Variants in KMO observed in about 807,000 individuals in gnomAD.
KMO encodes kynurenine 3-monooxygenase, also known as kynurenine 3-hydroxylase.
A neutral mutation model predicts 57.8 loss-of-function variants in KMO; 24 were observed. That is an observed-to-expected ratio of 0.42 (90% CI 0.30 to 0.58). KMO has a LOEUF of 0.58. Among genes scored for constraint, KMO ranks in the 20% least tolerant of loss-of-function variants. The pLI, the probability that KMO is intolerant of heterozygous loss-of-function variation, is 0.22. For synonymous variants in KMO, 210 were observed against 193.6 expected (o/e 1.08, Z -0.70); for missense variants, 483 against 588.2 (o/e 0.82, Z 1.85).
intron 10 of KMO, among the ~76,000 whole-genome samples, chr1:241,582,971 G>T (rs1215113856): frequency 6.6e-6 from 1 of 152,126 alleles, no homozygotes; most frequent in Non-Finnish European, 1.5e-5. Flanking sequence ...TAAGTTTATG[G>T]TCACTGCAGC....
rs183126584 is a variant in KMO at position 241,570,514 on chromosome 1, C to T, written c.957+1867C>T. On this transcript the variant is annotated intron_variant, in intron 10 of 14. Transcript: ENST00000366559. ...GCATATGGATATCTAGTTTTCCCAG[C>T]ACCATTTATTGAAGAGACTGTCTTT... Among the ~76,000 whole-genome samples the T allele has an allele frequency of 5.3e-5, 8 of 152,202 alleles. No individual in the cohort carries two copies. In the East Asian group the frequency reaches 1.5e-3, roughly 29 times the overall value.
At chr1:241,557,305 G>T (rs1661674750) in intron 5 of KMO, among the ~76,000 whole-genome samples, 1 of 152,152 alleles carries the variant, frequency 6.6e-6, no homozygotes, top group South Asian at 2.1e-4. Flanking sequence ...TTCAGCATTT[G>T]CATTCAACGG....
At chr1:241,543,997 T>C (rs1158994422) in intron 1 of KMO, among the ~76,000 whole-genome samples, 4 of 152,190 alleles carry the variant, frequency 2.6e-5, no homozygotes, top group Admixed American at 1.3e-4. Flanking sequence ...AACCAGACCA[T>C]TGGCCCATCA....
intron 5 of KMO, 126 bp downstream of exon 5, chr1:241,555,786 C>A: frequency 1.7e-6 from 1 of 582,142 alleles, no homozygotes; most frequent in Non-Finnish European, 3.1e-6. Context: ...AGACTATGTA[C>A]ACTACAAAGT....
At chr1:241,547,545 C>G (rs1345324275) in intron 1 of KMO, among the ~76,000 whole-genome samples, 1 of 151,150 alleles carries the variant, frequency 6.6e-6, no homozygotes, top group Admixed American at 6.6e-5. Context: ...AAAGTGCTCA[C>G]TGCACTCCAG....
At chr1:241,550,903 G>A in intron 3 of KMO, 52 bp from the exon 4 acceptor site, 2 of 800,246 alleles carry the variant, frequency 2.5e-6, no homozygotes, top group Non-Finnish European at 2.0e-6. Flanking sequence ...TATCTTTCTT[G>A]CATAATGCCA....
chr1:241,586,699 A>T lies in KMO; in HGVS notation c.978A>T (p.Val326=), dbSNP rs755274320. The change falls in exon 11 of 15, where the codon GTA becomes GTT. Residue 326 remains valine, a synonymous_variant. Coordinates refer to ENST00000366559, the MANE Select transcript of KMO (RefSeq NM_003679.5). ...GMNAGFEDCL[V]FDELMDKFSN... is the part of the protein sequence containing the mutation. ...TTCAGGGCTTTGAAGACTGCTTGGTATTTGATGAGTTAATGGATAAATTCA... is the reference window on the plus strand; with the variant it reads ...TTCAGGGCTTTGAAGACTGCTTGGTTTTTGATGAGTTAATGGATAAATTCA... 6 of 1,602,616 alleles carry T rather than the reference A, an allele frequency of 3.7e-6. No homozygotes were observed. The highest frequency in any genetic ancestry group is 5.1e-6 in the Non-Finnish European group (6 of 1,175,564).
chr1:241,558,494 T>A (rs181537404), intron 5 of KMO, among the ~76,000 whole-genome samples: 2 of 152,224 alleles, frequency 1.3e-5, no homozygotes, highest in African/African-American at 4.8e-5. Context: ...GCTACATGAT[T>A]TCCCTACGTC....
At chr1:241,565,455 T>C (rs546477734) in intron 8 of KMO, among the ~76,000 whole-genome samples, 44 of 151,436 alleles carry the variant, frequency 2.9e-4, no homozygotes, top group Non-Finnish European at 4.0e-4. Context: ...GCGCAGCGGC[T>C]CACACCTGTA....
At position 241,544,737 on chromosome 1, in the gene KMO, A is replaced by G. The variant is rs188475983; in HGVS notation, c.55-4092A>G. On this transcript the variant is annotated intron_variant, in intron 1 of 14. Transcript: ENST00000366559. ...CCTGTGAGCCCAGGGCTATTTTGCA[A>G]GGGGTCTGTGAAATAACATGCATAC... is the stretch of plus-strand genomic sequence containing the variant. Among the ~76,000 whole-genome samples the G allele has an allele frequency of 4.6e-5, 7 of 152,226 alleles. No homozygotes were observed. In the East Asian group the frequency reaches 1.4e-3, roughly 29 times the overall value.
chr1:241,562,866 G>A (rs1237514901), intron 7 of KMO, among the ~76,000 whole-genome samples: 1 of 11,566 alleles, frequency 8.6e-5, no homozygotes, highest in African/African-American at 2.0e-4. Flanking sequence ...AAGGAAAGAA[G>A]GAAGGAAGGA....
At chr1:241,564,118 A>T (rs1309860486) in intron 7 of KMO, among the ~76,000 whole-genome samples, 1 of 152,178 alleles carries the variant, frequency 6.6e-6, no homozygotes, top group African/African-American at 2.4e-5. Context: ...CCCTTCACCT[A>T]AGACACAAAT....
chr1:241,536,224 T>C (rs749349570), intron 1 of KMO, among the ~76,000 whole-genome samples: 1 of 152,130 alleles, frequency 6.6e-6, no homozygotes, highest in African/African-American at 2.4e-5. Flanking sequence ...AGTTCTACAG[T>C]GTAGCTTTTC....
In KMO at chr1:241,565,060, T is replaced by C; in HGVS notation, c.687+2T>C. 1 of 1,551,734 alleles carries C rather than the reference T, an allele frequency of 6.4e-7. No homozygotes were observed. Among genetic ancestry groups the C allele is most frequent in the South Asian group, 1.1e-5 (1 of 88,666 alleles). ...ATGATGATTGCACTTCCTAACATGG[T>C]AGTATAGAATTTTTTATCAACTGTA... is the stretch of plus-strand genomic sequence containing the variant. On this transcript the variant is annotated splice_donor_variant, in intron 8 of 14. Transcript: ENST00000366559. LOFTEE classifies it high-confidence loss of function.
At chr1:241,583,484 G>A (rs922978406) in intron 10 of KMO, among the ~76,000 whole-genome samples, 1 of 152,104 alleles carries the variant, frequency 6.6e-6, no homozygotes, top group Non-Finnish European at 1.5e-5. Flanking sequence ...TTATTTTATT[G>A]TGGCTTAGCT....
chr1:241,546,567 G>T (rs1272186942), intron 1 of KMO, among the ~76,000 whole-genome samples: 1 of 152,210 alleles, frequency 6.6e-6, no homozygotes, highest in Non-Finnish European at 1.5e-5. Context: ...GAGATGGGTA[G>T]ATGGAAAAAC....
At position 241,592,771 on chromosome 1, in the gene KMO, T is replaced by TATCTATC. The variant is rs1319542602; in HGVS notation, c.*619_*625dup. On this transcript the variant is annotated 3_prime_UTR_variant, in exon 15 of 15. Coordinates refer to ENST00000366559, the MANE Select transcript of KMO (RefSeq NM_003679.5). ...TCTATCTATCATCTATCTATCTATC[T>TATCTATC]ATCTATCTATCTATCTATCTATCTA... 1 of 148,838 alleles carries TATCTATC rather than the reference T, an allele frequency of 6.7e-6. No individual in the cohort carries two copies. The highest frequency in any genetic ancestry group is 2.2e-4 in the South Asian group (1 of 4,512). 9.2% of individuals were successfully genotyped at this position (148,838 alleles called of 1,614,324 possible).
intron 8 of KMO, among the ~76,000 whole-genome samples, chr1:241,566,178 C>G (rs920895382): frequency 6.6e-6 from 1 of 152,104 alleles, no homozygotes; most frequent in Non-Finnish European, 1.5e-5. Context: ...AGCACTCCGG[C>G]CTGGGCAACA....
intron 1 of KMO, among the ~76,000 whole-genome samples, chr1:241,546,920 A>C (rs761079889): frequency 4.6e-5 from 7 of 152,212 alleles, no homozygotes. Context: ...CCGTCTTTGC[A>C]ATGGTGAAAG....
Sources: allele counts gnomAD v4.1 joint callset (sites outside exome capture counted in the v4.1 genomes callset), GRCh38; gene constraint gnomAD v4.1.1; transcripts MANE v1.5; gene names NCBI Gene and HGNC (gene_info 2026-07-23, HGNC 2026-07-21).